Variants in PRKN observed in about 807,000 individuals in gnomAD.
PRKN encodes the protein E3 ubiquitin-protein ligase parkin.
PRKN carries 56 observed loss-of-function variants against 59.5 expected under a neutral mutation model. The observed-to-expected ratio is 0.94, with a 90% confidence interval of 0.76 to 1.18. The LOEUF is 1.18. Ranked by LOEUF, PRKN falls within the 50% of genes most tolerant of loss-of-function variation. The pLI is 0.00. For synonymous variants in PRKN, 250 were observed against 222.1 expected (o/e 1.13, Z -1.12); for missense variants, 657 against 596.4 (o/e 1.10, Z -1.06).
chr6:161,782,594 A>C (rs1165449589), intron 7 of PRKN, among the ~76,000 whole-genome samples: 1 of 152,184 alleles, frequency 6.6e-6, no homozygotes, highest in Non-Finnish European at 1.5e-5. Flanking sequence ...AAACACAATA[A>C]ATTTAAAAGC....
intron 1 of PRKN, among the ~76,000 whole-genome samples, chr6:162,662,504 T>C (rs1025852616): frequency 6.6e-6 from 1 of 152,190 alleles, no homozygotes; most frequent in Non-Finnish European, 1.5e-5. Flanking sequence ...CCTAAACCCA[T>C]GTCCAGAAGA....
At chr6:162,584,776 CTCTCCTCT>C in intron 1 of PRKN, among the ~76,000 whole-genome samples, 3 of 69,746 alleles carry the variant, frequency 4.3e-5, no homozygotes, top group Non-Finnish European at 5.8e-5. Flanking sequence ...TTTTCTTTTC[CTCTCCTCT>C]CCTCTCCCCT....
At chr6:162,130,672 T>C (rs915460997) in intron 4 of PRKN, among the ~76,000 whole-genome samples, 8 of 152,172 alleles carry the variant, frequency 5.3e-5, no homozygotes, top group Non-Finnish European at 1.2e-4. Context: ...TGACTATCCA[T>C]CATACAGGAA....
At chr6:161,365,320 A>G (rs898198453) in intron 10 of PRKN, among the ~76,000 whole-genome samples, 2 of 152,222 alleles carry the variant, frequency 1.3e-5, no homozygotes, top group African/African-American at 4.8e-5. Flanking sequence ...CTTATCTGGG[A>G]GGCCTTGTCT....
intron 1 of PRKN, among the ~76,000 whole-genome samples, chr6:162,621,531 G>C (rs1782662678): frequency 6.6e-6 from 1 of 152,170 alleles, no homozygotes. Context: ...CACATCAGAA[G>C]AATCAACCAG....
chr6:161,852,386 G>A (rs1793475203), intron 6 of PRKN, among the ~76,000 whole-genome samples: 4 of 152,174 alleles, frequency 2.6e-5, no homozygotes, highest in African/African-American at 7.2e-5. Flanking sequence ...CCAAGAGTTT[G>A]AGGCTGCAAT....
rs1783905190 is a variant in PRKN at position 162,183,813 on chromosome 6, A to G, written c.534+17318T>C. On this transcript the variant is annotated intron_variant, in intron 4 of 11. Transcript: ENST00000366898. ...TCGATCCCTACCATACACCCCATTT[A>G]TGCAATAGCCAAGTAACTTTTTTCC... Among the ~76,000 whole-genome samples the G allele has an allele frequency of 2.0e-5, 3 of 152,120 alleles. No homozygotes were observed. In the South Asian group the frequency reaches 6.2e-4, roughly 32 times the overall value.
rs185052480 is a variant in PRKN at position 162,211,867 on chromosome 6, A to G, written c.413-10615T>C. Among the ~76,000 whole-genome samples, 17 of 152,316 alleles carry G rather than the reference A, an allele frequency of 1.1e-4. No individual in the cohort carries two copies. The East Asian group carries it at 3.1e-3, about 28-fold the overall frequency. On this transcript the variant is annotated intron_variant, in intron 3 of 11. Coordinates refer to ENST00000366898, the MANE Select transcript of PRKN (RefSeq NM_004562.3). ...GCTTTTGGTGGTGATTGAGATTCATAAAATCTCTACTACCTCTTAAAAGAG... is the reference window on the plus strand; with the variant it reads ...GCTTTTGGTGGTGATTGAGATTCATGAAATCTCTACTACCTCTTAAAAGAG...
intron 1 of PRKN, among the ~76,000 whole-genome samples, chr6:162,498,872 T>C (rs961443576): frequency 2.6e-5 from 4 of 152,178 alleles, no homozygotes; most frequent in African/African-American, 9.6e-5. Flanking sequence ...TTATCCTTCA[T>C]GTATAGGCAA....
chr6:162,407,355 T>C (rs1263651424), intron 2 of PRKN, among the ~76,000 whole-genome samples: 1 of 152,216 alleles, frequency 6.6e-6, no homozygotes, highest in East Asian at 1.9e-4. Context: ...CATAACGTTG[T>C]ACAAAGAGGC....
At chr6:161,762,950 T>C (rs527542565) in intron 7 of PRKN, among the ~76,000 whole-genome samples, 3 of 152,220 alleles carry the variant, frequency 2.0e-5, no homozygotes, top group Non-Finnish European at 4.4e-5. Context: ...GGAGAGAACA[T>C]GAAATACTGA....
chr6:162,135,893 A>G (rs1781544264), intron 4 of PRKN, among the ~76,000 whole-genome samples: 1 of 152,098 alleles, frequency 6.6e-6, no homozygotes, highest in Non-Finnish European at 1.5e-5. Flanking sequence ...AGGATGAACT[A>G]AGTAATATAT....
At chr6:162,693,227 G>C (rs1332534640) in intron 1 of PRKN, among the ~76,000 whole-genome samples, 3 of 152,172 alleles carry the variant, frequency 2.0e-5, no homozygotes, top group African/African-American at 4.8e-5. Context: ...GTGCCCAGCA[G>C]GGTCGTGCCT....
At chr6:162,397,957 A>G (rs530248634) in intron 2 of PRKN, among the ~76,000 whole-genome samples, 1 of 150,428 alleles carries the variant, frequency 6.6e-6, no homozygotes, top group Admixed American at 6.7e-5. Context: ...GAACCACTTG[A>G]GCCTAGTACC....
intron 6 of PRKN, among the ~76,000 whole-genome samples, chr6:161,814,288 C>T (rs142928796): frequency 4.3e-4 from 65 of 152,272 alleles, no homozygotes; most frequent in African/African-American, 1.5e-3. Context: ...ACTGACATAA[C>T]GGTGCCACCT....
chr6:161,556,156 T>A (rs2115447080), intron 8 of PRKN, among the ~76,000 whole-genome samples: 1 of 152,322 alleles, frequency 6.6e-6, no homozygotes. Context: ...ATGTCCCCCT[T>A]TCCATTCATT....
intron 1 of PRKN, among the ~76,000 whole-genome samples, chr6:162,503,493 T>C (rs1054085345): frequency 6.6e-5 from 10 of 152,178 alleles, no homozygotes; most frequent in Non-Finnish European, 8.8e-5. Context: ...GAAACATTCA[T>C]ATTTGAATGA....
chr6:162,696,508 C>A (rs934179051), intron 1 of PRKN, among the ~76,000 whole-genome samples: 4 of 148,814 alleles, frequency 2.7e-5, no homozygotes, highest in Non-Finnish European at 5.9e-5. Flanking sequence ...ATACTGGATT[C>A]GATACTGGAT....
intron 5 of PRKN, among the ~76,000 whole-genome samples, chr6:161,996,935 C>T (rs566710424): frequency 6.6e-5 from 10 of 152,120 alleles, no homozygotes; most frequent in African/African-American, 2.4e-4. Flanking sequence ...TTACATGTGC[C>T]CCTTGACATT....
Sources: allele counts gnomAD v4.1 joint callset (sites outside exome capture counted in the v4.1 genomes callset), GRCh38; gene constraint gnomAD v4.1.1; transcripts MANE v1.5; gene names NCBI Gene and HGNC (gene_info 2026-07-23, HGNC 2026-07-21).